Variants in ZSWIM6 observed in about 807,000 individuals in gnomAD.
ZSWIM6 encodes the protein zinc finger SWIM domain-containing protein 6.
ZSWIM6 carries 9 observed loss-of-function variants against 113.2 expected under a neutral mutation model. The ratio of observed to expected loss-of-function variants is 0.08; its 90% confidence interval spans 0.05 to 0.14. The LOEUF is 0.14. Among genes scored for constraint, ZSWIM6 ranks in the 10% least tolerant of loss-of-function variants. The pLI is 1.00. For synonymous variants in ZSWIM6, 611 were observed against 606.5 expected (o/e 1.01, Z -0.11); for missense variants, 1,162 against 1,552.2 (o/e 0.75, Z 4.22).
chr5:61,356,319 A>G (rs531392359), intron 1 of ZSWIM6, among the ~76,000 whole-genome samples: 57 of 152,248 alleles, frequency 3.7e-4, no homozygotes, highest in African/African-American at 1.4e-3. Flanking sequence ...TTTTATCTTA[A>G]ATTTTAAGGC....
At chr5:61,418,482 C>G (rs1474583869) in intron 1 of ZSWIM6, among the ~76,000 whole-genome samples, 1 of 152,040 alleles carries the variant, frequency 6.6e-6, no homozygotes, top group Non-Finnish European at 1.5e-5. Flanking sequence ...TGGTCTCGAA[C>G]TCCTGACCTC....
At chr5:61,402,237 C>A (rs564312486) in intron 1 of ZSWIM6, among the ~76,000 whole-genome samples, 11 of 152,160 alleles carry the variant, frequency 7.2e-5, no homozygotes, top group African/African-American at 2.4e-4. Context: ...AATTAAAGAA[C>A]CTTAGAAAAG....
At position 61,424,069 on chromosome 5, in the gene ZSWIM6, A is replaced by C. The variant is rs568721618; in HGVS notation, c.677-48612A>C. Among the ~76,000 whole-genome samples, 42 of 152,320 alleles carry C rather than the reference A, an allele frequency of 2.8e-4. 1 individual carries two copies. The highest frequency in any genetic ancestry group is 8.7e-4 in the African/African-American group (36 of 41,568). ...AGGATGCCTCTGAGTTGCTATCTCA[A>C]AAGTACAGTTCTCAAAGAAGGGGAC... On this transcript the variant is annotated intron_variant, in intron 1 of 13. Coordinates refer to ENST00000252744, the MANE Select transcript of ZSWIM6 (RefSeq NM_020928.2).
chr5:61,534,062 T>C (rs1396749251), intron 9 of ZSWIM6, among the ~76,000 whole-genome samples: 1 of 152,198 alleles, frequency 6.6e-6, no homozygotes, highest in Non-Finnish European at 1.5e-5. Flanking sequence ...CAACTTTGGA[T>C]ACAATTACAT....
intron 1 of ZSWIM6, among the ~76,000 whole-genome samples, chr5:61,341,211 T>G (rs539001869): frequency 7.0e-6 from 1 of 142,696 alleles, no homozygotes; most frequent in East Asian, 2.1e-4. Flanking sequence ...TCTGAATGAG[T>G]GTGGGTGTGT....
At chr5:61,333,675 C>T (rs1241386944) in intron 1 of ZSWIM6, among the ~76,000 whole-genome samples, 3 of 152,120 alleles carry the variant, frequency 2.0e-5, no homozygotes, top group Admixed American at 1.3e-4. Flanking sequence ...GACTCCGTCT[C>T]CGGAGGGACA....
chr5:61,384,700 T>C (rs943376063), intron 1 of ZSWIM6, among the ~76,000 whole-genome samples: 34 of 152,314 alleles, frequency 2.2e-4, no homozygotes, highest in Admixed American at 1.9e-3. Context: ...ATCTTAGGTC[T>C]GTTGGACCAT....
At chr5:61,359,996 CAGAGAGAGAG>C (rs146077379) in intron 1 of ZSWIM6, among the ~76,000 whole-genome samples, 2 of 147,500 alleles carry the variant, frequency 1.4e-5, no homozygotes, top group Admixed American at 6.8e-5. Flanking sequence ...ACCAGAAAAG[CAGAGAGAGAG>C]AGAGAGAGAG....
At chr5:61,414,093 T>G (rs961658676) in intron 1 of ZSWIM6, among the ~76,000 whole-genome samples, 2 of 151,990 alleles carry the variant, frequency 1.3e-5, no homozygotes, top group African/African-American at 4.8e-5. Context: ...TCCAGTACAT[T>G]AAAAGGAATT....
intron 1 of ZSWIM6, among the ~76,000 whole-genome samples, chr5:61,410,328 T>C (rs1255419789): frequency 3.3e-5 from 5 of 150,298 alleles, no homozygotes; most frequent in Admixed American, 1.3e-4. Context: ...TTTTTTTTTT[T>C]CAGACGGAGT....
intron 1 of ZSWIM6, among the ~76,000 whole-genome samples, chr5:61,381,381 T>G (rs953369786): frequency 6.6e-6 from 1 of 152,238 alleles, no homozygotes; most frequent in African/African-American, 2.4e-5. Context: ...GTAGAATGAG[T>G]CATTCTGGGA....
At chr5:61,509,550 C>T (rs1239630617) in intron 4 of ZSWIM6, among the ~76,000 whole-genome samples, 1 of 152,134 alleles carries the variant, frequency 6.6e-6, no homozygotes, top group African/African-American at 2.4e-5. Flanking sequence ...AATCCAGAAG[C>T]TAGGTGATGC....
At chr5:61,376,909 AG>A (rs1295120164) in intron 1 of ZSWIM6, among the ~76,000 whole-genome samples, 1 of 151,606 alleles carries the variant, frequency 6.6e-6, no homozygotes, top group African/African-American at 2.4e-5. Flanking sequence ...TGTAAAAAGC[AG>A]GGTTTTGATT....
intron 4 of ZSWIM6, among the ~76,000 whole-genome samples, chr5:61,497,453 A>G (rs1231680400): frequency 6.6e-6 from 1 of 152,212 alleles, no homozygotes; most frequent in African/African-American, 2.4e-5. Flanking sequence ...TCCAGCTAAC[A>G]AAGGGACTGA....
At chr5:61,384,432 T>G (rs1193112384) in intron 1 of ZSWIM6, among the ~76,000 whole-genome samples, 2 of 152,152 alleles carry the variant, frequency 1.3e-5, no homozygotes, top group Admixed American at 1.3e-4. Context: ...AAAGTATACA[T>G]AGCCCTTTGA....
chr5:61,409,872 A>T (rs1313208700), intron 1 of ZSWIM6, among the ~76,000 whole-genome samples: 1 of 152,222 alleles, frequency 6.6e-6, no homozygotes, highest in East Asian at 1.9e-4. Flanking sequence ...TGATCAGGCC[A>T]GTAAAGGAAG....
At chr5:61,360,035 T>C (rs1449984506) in intron 1 of ZSWIM6, among the ~76,000 whole-genome samples, 1 of 151,656 alleles carries the variant, frequency 6.6e-6, no homozygotes, top group Admixed American at 6.6e-5. Context: ...AATGTGTAAA[T>C]GAATGTTGAT....
rs1321179563 is a variant in ZSWIM6 at position 61,538,888 on chromosome 5, A to G, written c.2456A>G (p.Asn819Ser). ...RPHHIASVVP[N>S]RYPRWFTLSH... ...CACCACATTGCATCAGTTGTTCCCA[A>G]CCGCTACCCTCGCTGGTTCACTCTA... Residue 819 changes from asparagine (N) to serine (S), a missense_variant, in exon 11 of 14, where the codon AAC (asparagine) becomes AGC (serine). Around this residue, in one of 4 missense-constraint regions of ZSWIM6, gnomAD observed 620 missense variants for 804.6 expected, o/e 0.77. Coordinates refer to ENST00000252744, the MANE Select transcript of ZSWIM6 (RefSeq NM_020928.2). 4 of 1,552,250 alleles carry G rather than the reference A, an allele frequency of 2.6e-6. No homozygotes were observed. The highest frequency in any genetic ancestry group is 2.4e-5 in the South Asian group (2 of 84,056).
intron 1 of ZSWIM6, among the ~76,000 whole-genome samples, chr5:61,396,690 C>T (rs188290459): frequency 6.6e-6 from 1 of 151,922 alleles, no homozygotes; most frequent in Admixed American, 6.5e-5. Flanking sequence ...TCATATTGGC[C>T]TGGTTTAAAT....
Sources: allele counts gnomAD v4.1 joint callset (sites outside exome capture counted in the v4.1 genomes callset), GRCh38; gene constraint gnomAD v4.1.1; regional missense constraint gnomAD v4.1.1; transcripts MANE v1.5; gene names NCBI Gene and HGNC (gene_info 2026-07-23, HGNC 2026-07-21).